PATJ: variants seen among roughly 807,000 people sequenced by gnomAD.
The protein encoded by PATJ is inaD-like protein.
PATJ carries 190 observed loss-of-function variants against 224.9 expected under a neutral mutation model. The observed-to-expected ratio is 0.84, with a 90% confidence interval of 0.75 to 0.95. PATJ has a LOEUF of 0.95. Ranked by LOEUF, PATJ falls within the 40% of genes least tolerant of loss-of-function variation. The probability of loss-of-function intolerance (pLI) is 0.00; values close to 1 mark genes in which losing one functional copy is unlikely to be tolerated. For missense variants in PATJ, 2,121 were observed against 2,270.3 expected, an observed-to-expected ratio of 0.93 and a Z score of 1.34; for synonymous variants, 769 against 820.3, an observed-to-expected ratio of 0.94 and a Z score of 1.07.
In PATJ at chr1:61,864,665, C is replaced by T. The variant is rs189091662; in HGVS notation, c.2835+32C>T. 2.6e-3 allele frequency: 3,954 copies of T among 1,547,050 alleles called. 6 individuals carry two copies. Among genetic ancestry groups the T allele is most frequent in the Non-Finnish European group, 3.2e-3 (3,680 of 1,145,266 alleles). On this transcript the variant is annotated intron_variant, in intron 20 of 43. Coordinates refer to ENST00000642238, the MANE Select transcript of PATJ (RefSeq NM_001350145.3). ...GATTAGAATAGATATTCCACACCTC[C>T]CCTTCTGCTCTCCTCGCCTGTCCCT...
At chr1:62,007,836 A>G (rs944116545) in intron 28 of PATJ, among the ~76,000 whole-genome samples, 1 of 152,232 alleles carries the variant, frequency 6.6e-6, no homozygotes, top group African/African-American at 2.4e-5. Flanking sequence ...TGAGGGCTCC[A>G]TCCTCATGAC....
chr1:62,050,763 C>T (rs977066521), intron 30 of PATJ, among the ~76,000 whole-genome samples: 3 of 152,282 alleles, frequency 2.0e-5, no homozygotes, highest in African/African-American at 7.2e-5. Flanking sequence ...TAAGGCCTAT[C>T]TGTGAGCAGC....
chr1:62,137,969 G>A (rs911222614), intron 41 of PATJ, among the ~76,000 whole-genome samples: 1 of 151,664 alleles, frequency 6.6e-6, no homozygotes, highest in Non-Finnish European at 1.5e-5. Context: ...CTCGGATGAG[G>A]AGATTTTCTC....
At chr1:62,065,582 TG>T (rs1656275794) in intron 31 of PATJ, among the ~76,000 whole-genome samples, 1 of 152,154 alleles carries the variant, frequency 6.6e-6, no homozygotes, top group Non-Finnish European at 1.5e-5. Context: ...CACTCCAGCC[TG>T]GGTGACAGAG....
intron 27 of PATJ, among the ~76,000 whole-genome samples, chr1:61,937,504 T>C (rs1050237422): frequency 3.3e-5 from 5 of 152,210 alleles, no homozygotes; most frequent in African/African-American, 1.2e-4. Flanking sequence ...TAAATCCATC[T>C]GTAAATTTAA....
chr1:61,813,760 G>A (rs1310835611), intron 14 of PATJ, among the ~76,000 whole-genome samples: 1 of 152,116 alleles, frequency 6.6e-6, no homozygotes, highest in African/African-American at 2.4e-5. Flanking sequence ...AGGTTGGTCA[G>A]GGAAGGTTTA....
chr1:62,156,962 T>G (rs1256606954), intron 43 of PATJ, among the ~76,000 whole-genome samples: 5 of 151,562 alleles, frequency 3.3e-5, no homozygotes, highest in African/African-American at 1.2e-4. Context: ...AAAGATCACA[T>G]GAAAATCTAT....
At chr1:62,074,296 A>G (rs1331074760) in intron 31 of PATJ, among the ~76,000 whole-genome samples, 2 of 152,042 alleles carry the variant, frequency 1.3e-5, no homozygotes, top group African/African-American at 4.8e-5. Context: ...AACATGGCAC[A>G]TGTATACATA....
At chr1:62,123,142 T>TGG in intron 39 of PATJ, 84 bp downstream of exon 39, 1 of 952,404 alleles carries the variant, frequency 1.0e-6, no homozygotes, top group Non-Finnish European at 1.7e-6. Flanking sequence ...TACAGTTTAT[T>TGG]GGATTGTGAG....
At position 61,769,350 on chromosome 1, in the gene PATJ, C is replaced by T; in HGVS notation, c.452C>T (p.Ala151Val). Reference protein sequence around the residue: ...STGGLGFSVVALRSQNLGKVD... With the variant: ...STGGLGFSVVVLRSQNLGKVD... The stretch of plus-strand genomic sequence containing the variant: ...GGAGGCCTTGGATTCAGTGTGGTGG[C>T]CCTCAGAAGTCAAAATCTCGGAAAA... Residue 151 changes from alanine (A) to valine (V), a missense_variant, in exon 5 of 44, where the codon GCC (alanine) becomes GTC (valine). Coordinates refer to ENST00000642238, the MANE Select transcript of PATJ (RefSeq NM_001350145.3). 1 of 1,613,800 alleles carries T rather than the reference C, an allele frequency of 6.2e-7. No individual in the cohort carries two copies. Among genetic ancestry groups the T allele is most frequent in the Non-Finnish European group, 8.5e-7 (1 of 1,179,886 alleles).
chr1:61,997,768 T>C (rs1645454041), intron 28 of PATJ, among the ~76,000 whole-genome samples: 1 of 150,274 alleles, frequency 6.7e-6, no homozygotes, highest in Admixed American at 6.7e-5. Flanking sequence ...ATCTTCTTAG[T>C]TTTTTATGTG....
chr1:62,040,614 G>A (rs1262863784), intron 30 of PATJ, among the ~76,000 whole-genome samples: 1 of 152,162 alleles, frequency 6.6e-6, no homozygotes. Context: ...TAGCTCTCAG[G>A]TGAGAATGAG....
At chr1:62,056,650 G>A (rs965020491) in intron 31 of PATJ, among the ~76,000 whole-genome samples, 24 of 152,074 alleles carry the variant, frequency 1.6e-4, no homozygotes, top group Admixed American at 1.6e-3. Flanking sequence ...GCGTGGTGTT[G>A]GATGCCTGTA....
intron 20 of PATJ, among the ~76,000 whole-genome samples, chr1:61,872,380 A>C (rs1666766069): frequency 6.6e-6 from 1 of 152,174 alleles, no homozygotes; most frequent in Admixed American, 6.5e-5. Flanking sequence ...GACCATCTGG[A>C]GGCAAAACTC....
chr1:61,984,499 AT>A (rs1253181761), intron 27 of PATJ, among the ~76,000 whole-genome samples: 1 of 151,796 alleles, frequency 6.6e-6, no homozygotes, highest in Non-Finnish European at 1.5e-5. Flanking sequence ...CAGGGTTGGG[AT>A]TTTTTTGCTG....
chr1:62,048,485 G>A (rs1406712696), intron 30 of PATJ, among the ~76,000 whole-genome samples: 6 of 138,192 alleles, frequency 4.3e-5, no homozygotes, highest in African/African-American at 1.6e-4. Flanking sequence ...GGCAGAAGTT[G>A]CAGTAAGCCG....
chr1:62,021,177 G>A (rs553266683), intron 29 of PATJ, among the ~76,000 whole-genome samples: 2 of 152,154 alleles, frequency 1.3e-5, no homozygotes, highest in Admixed American at 1.3e-4. Flanking sequence ...TGAGATCAAG[G>A]CTCTAGCAGA....
Position 61,801,671 on chromosome 1 carries a change from C to T in PATJ, c.1451C>T (p.Ala484Val). The change falls in exon 12 of 44, where the codon GCA (alanine) becomes GTA (valine). Residue 484 changes from alanine to valine, a missense_variant. By Grantham distance (64) the Ala-to-Val change is moderately conservative. Transcript: ENST00000642238. ...CCACCAGCTCTCTTTCTAACTGGAGCAGTGGAAACTGAAACTAATGTGGAT... is the reference window on the plus strand; with the variant it reads ...CCACCAGCTCTCTTTCTAACTGGAGTAGTGGAAACTGAAACTAATGTGGAT... ...LKPPALFLTG[A>V]VETETNVDGE... 6.2e-7 allele frequency: 1 copy of T among 1,600,012 alleles called. No individual in the cohort carries two copies. Among genetic ancestry groups the T allele is most frequent in the South Asian group, 1.1e-5 (1 of 89,036 alleles).
chr1:61,870,212 T>C (rs1666124349), intron 20 of PATJ, among the ~76,000 whole-genome samples: 1 of 152,016 alleles, frequency 6.6e-6, no homozygotes, highest in Non-Finnish European at 1.5e-5. Flanking sequence ...TGGCTCTCAG[T>C]GGGAAGGGGA....
Sources: gnomAD v4.1 joint callset for allele counts (sites outside exome capture counted in the v4.1 genomes callset) on GRCh38, gnomAD v4.1.1 for gene constraint, MANE v1.5 for transcripts, NCBI Gene and HGNC (gene_info 2026-07-23, HGNC 2026-07-21) for gene names.